Variants in ARHGEF2 observed in about 807,000 individuals in gnomAD.
ARHGEF2 encodes Rho/Rac guanine nucleotide exchange factor 2, also known as rho guanine nucleotide exchange factor 2.
In ARHGEF2, 22 loss-of-function variants were observed where a neutral mutation model predicts 121.0. That is an observed-to-expected ratio of 0.18 (90% CI 0.13 to 0.26). The LOEUF (loss-of-function observed/expected upper bound fraction) is 0.26, where lower values mean the gene tolerates loss of function less well. Among genes scored for constraint, ARHGEF2 ranks in the 10% least tolerant of loss-of-function variants. The pLI is 1.00. For missense variants in ARHGEF2, 907 were observed against 1,336.0 expected, an observed-to-expected ratio of 0.68 and a Z score of 5.01; for synonymous variants, 487 against 530.0, an observed-to-expected ratio of 0.92 and a Z score of 1.11.
rs769730199 is a variant in ARHGEF2 at position 155,952,802 on chromosome 1, G to C, written c.1810C>G (p.Leu604Val). Residue 604 changes from leucine to valine, a missense_variant, in exon 15 of 22, where the codon CTG (leucine) becomes GTG (valine). Physicochemically the swap from Leu to Val is conservative, Grantham distance 32. Coordinates refer to ENST00000361247, the MANE Select transcript of ARHGEF2 (RefSeq NM_001162383.2). ...KMELQQKDRALVELLREKVGL... is the reference protein window; with the variant it reads ...KMELQQKDRAVVELLREKVGL... The stretch of plus-strand genomic sequence containing the variant: ...ACCTTCTCTCGCAGCAGCTCCACCA[G>C]TGCCCGGTCCTTCTGCTGCAACTCC... 7.4e-6 allele frequency: 12 copies of C among 1,614,186 alleles called. No homozygotes were observed. Among genetic ancestry groups the C allele is most frequent in the Non-Finnish European group, 1.0e-5 (12 of 1,180,028 alleles).
At chr1:155,972,904 A>G (rs138832377) in intron 1 of ARHGEF2, among the ~76,000 whole-genome samples, 5,171 of 151,800 alleles carry the variant, frequency 0.034, 294 homozygotes, top group African/African-American at 0.12. Flanking sequence ...GCGTCTTGCT[A>G]TGTTGCCCAG....
chr1:155,962,139 C>G lies in ARHGEF2; in HGVS notation c.1185G>C (p.Pro395=), dbSNP rs373544686. 1.7e-5 allele frequency: 27 copies of G among 1,614,086 alleles called. No homozygotes were observed. In the Admixed American group the frequency reaches 2.7e-4, roughly 16 times the overall value. ...LLVTQRITKY[P]LLISRILQHS... ...GCTGCAGGATGCGGCTGATGAGTAA[C>G]GGGTACTTGGTGATGCGCTGAGTCA... Residue 395 remains proline, a synonymous_variant, in exon 10 of 22, where the codon CCG becomes CCC. Coordinates refer to ENST00000361247, the MANE Select transcript of ARHGEF2 (RefSeq NM_001162383.2). This position sits in a 1 kb window ranked among gnomAD's most constrained non-coding sequence, Gnocchi z 5.8.
chr1:155,958,597 C>T (rs1277525338), intron 11 of ARHGEF2, among the ~76,000 whole-genome samples: 3 of 132,876 alleles, frequency 2.3e-5, no homozygotes, highest in African/African-American at 2.7e-5. Context: ...TTTTTTGATA[C>T]AGAGTTTTCA....
At chr1:155,957,286 G>C (rs1676884883) in intron 13 of ARHGEF2, among the ~76,000 whole-genome samples, 1 of 152,174 alleles carries the variant, frequency 6.6e-6, no homozygotes. Context: ...GTCTGTTTAT[G>C]AGACTTGTTC....
chr1:155,947,865 G>T lies in ARHGEF2; in HGVS notation c.*77C>A. On this transcript the variant is annotated 3_prime_UTR_variant, in exon 22 of 22. Coordinates refer to ENST00000361247, the MANE Select transcript of ARHGEF2 (RefSeq NM_001162383.2). ...TTCTTTCAAATGTTCCCTCATCATT[G>T]GCAAATTGGAGTCCCCAAGGTTAGC... The T allele has an allele frequency of 1.2e-6, 1 of 815,656 alleles. No individual in the cohort carries two copies. 50.5% of individuals were successfully genotyped at this position (815,656 alleles called of 1,614,324 possible). A position where few individuals can be genotyped will look rare whatever the true frequency, so the allele number is the denominator to read the frequency against.
rs139177268 is a variant in ARHGEF2, at chr1:155,954,755, T to A, written c.1783+147A>T. 3.0e-3 allele frequency: 2,150 copies of A among 720,408 alleles called. 15 individuals are homozygous for A. Among genetic ancestry groups the A allele is most frequent in the South Asian group, 0.02 (980 of 48,920 alleles). 44.6% of individuals were successfully genotyped at this position (720,408 alleles called of 1,614,324 possible). Reference sequence around the variant, plus strand: ...TGGTAGTATACACTTTACATTGTTTTAAACCTTGCTTTTTTCACTTAATAT... The same window carrying A: ...TGGTAGTATACACTTTACATTGTTTAAAACCTTGCTTTTTTCACTTAATAT... On this transcript the variant is annotated intron_variant, in intron 14 of 21. Transcript: ENST00000361247.
chr1:155,950,573 C>G lies in ARHGEF2; in HGVS notation c.2704-91G>C, dbSNP rs1177423235. 1.0e-5 allele frequency: 14 copies of G among 1,368,948 alleles called. No individual in the cohort carries two copies. Among genetic ancestry groups the G allele is most frequent in the Middle Eastern group, 3.7e-4 (2 of 5,406 alleles). The allele number at this position is 1,368,948 out of a possible 1,614,324, so 84.8% of individuals were successfully genotyped here. A position where few individuals can be genotyped will look rare whatever the true frequency, so the allele number is the denominator to read the frequency against. ...CTTGGCTGAAGGCAGCAGCTCTCCC[C>G]CCTGGGGCTCACCCATGAGTCCCCT... is the stretch of plus-strand genomic sequence containing the variant. On this transcript the variant is annotated intron_variant, in intron 20 of 21. Coordinates refer to ENST00000361247, the MANE Select transcript of ARHGEF2 (RefSeq NM_001162383.2). The surrounding 1 kb of genome is among the most constrained non-coding windows in gnomAD (Gnocchi z 5.2).
chr1:155,964,167 AATATATATATATATAT>A (rs869033599), intron 7 of ARHGEF2, among the ~76,000 whole-genome samples: 2 of 91,240 alleles, frequency 2.2e-5, no homozygotes, highest in African/African-American at 1.2e-4. Flanking sequence ...AAAAAAAAAA[AATATATATATATATAT>A]ATATATATAT....
At chr1:155,978,916 A>G, upstream of ARHGEF2, 4 of 984,842 alleles carry the variant, frequency 4.1e-6, no homozygotes, top group Non-Finnish European at 4.8e-6. The surrounding 1 kb of genome is among the most constrained non-coding windows in gnomAD (Gnocchi z 4.1). Context: ...GCGTTACCTC[A>G]GTCTTTAAAG....
At chr1:155,979,000 G>T (rs1681860072), upstream of ARHGEF2, 2 of 985,486 alleles carry the variant, frequency 2.0e-6, no homozygotes, top group African/African-American at 3.5e-5. This position sits in a 1 kb window ranked among gnomAD's most constrained non-coding sequence, Gnocchi z 4.1. Flanking sequence ...TGGCCTTCGG[G>T]GTCCCATCAA....
intron 3 of ARHGEF2, 73 bp from the exon 4 acceptor site, chr1:155,966,552 C>T: frequency 1.3e-6 from 2 of 1,552,576 alleles, no homozygotes; most frequent in Non-Finnish European, 1.8e-6. Context: ...AGGCATGGGA[C>T]AGGAGCTAGG....
Position 155,962,105 on chromosome 1 carries a change from C to G in ARHGEF2, c.1219G>C (p.Gly407Arg). 6.2e-7 allele frequency: 1 copy of G among 1,614,144 alleles called. No individual in the cohort carries two copies. Among genetic ancestry groups the G allele is most frequent in the Non-Finnish European group, 8.5e-7 (1 of 1,180,022 alleles). The change falls in exon 10 of 22, where the codon GGG (glycine) becomes CGG (arginine). Residue 407 changes from glycine to arginine, a missense_variant and splice_region_variant. Gly to Arg is a moderately radical substitution (Grantham distance 125, BLOSUM62 -2). Around this residue, in one of 2 missense-constraint regions of ARHGEF2, gnomAD observed 475 missense variants for 776.5 expected, o/e 0.61. Coordinates refer to ENST00000361247, the MANE Select transcript of ARHGEF2 (RefSeq NM_001162383.2). This position sits in a 1 kb window ranked among gnomAD's most constrained non-coding sequence, Gnocchi z 5.8. The part of the protein sequence containing the change: ...LISRILQHSH[G>R]IEEERQDLTT... ...CCCTCTCCTGGGCCTGCCTACTCACCGTGGGAATGCTGCAGGATGCGGCTG... is the reference window on the plus strand; with the variant it reads ...CCCTCTCCTGGGCCTGCCTACTCACGGTGGGAATGCTGCAGGATGCGGCTG...
At chr1:155,957,671 C>T (rs1676964191) in intron 13 of ARHGEF2, 42 bp downstream of exon 13, 3 of 1,571,182 alleles carry the variant, frequency 1.9e-6, no homozygotes, top group Admixed American at 1.8e-5. Context: ...CTGCAGGTAC[C>T]CTGAGGTCAT....
At chr1:155,968,193 C>A (rs1410322249) in intron 2 of ARHGEF2, 1 of 109,616 alleles carries the variant, frequency 9.1e-6, no homozygotes, top group African/African-American at 3.4e-5. Flanking sequence ...CACTGGTTTT[C>A]TTTTCTTTCT....
Position 155,951,450 on chromosome 1 carries a change from C to G in ARHGEF2, c.2259+33G>C. 3.7e-6 allele frequency: 6 copies of G among 1,613,718 alleles called. No homozygotes were observed. The highest frequency in any genetic ancestry group is 5.1e-6 in the Non-Finnish European group (6 of 1,179,608). ...AACAGGCATCTCTAGCCTGGCTCCT[C>G]CCCTTCCCCATTCAAGCCCTTGTCC... On this transcript the variant is annotated intron_variant, in intron 19 of 21. Coordinates refer to ENST00000361247, the MANE Select transcript of ARHGEF2 (RefSeq NM_001162383.2). The surrounding 1 kb of genome is among the most constrained non-coding windows in gnomAD (Gnocchi z 5.1).
chr1:155,951,725 T>A lies in ARHGEF2; in HGVS notation c.2208+16A>T. Reference sequence around the variant, plus strand: ...ATCCTCCCTTCAGTCTCCTATACCATCAATTCCCATCTCACCTCTTGCGGT... The same window carrying A: ...ATCCTCCCTTCAGTCTCCTATACCAACAATTCCCATCTCACCTCTTGCGGT... On this transcript the variant is annotated intron_variant, in intron 18 of 21. Transcript: ENST00000361247. This position sits in a 1 kb window ranked among gnomAD's most constrained non-coding sequence, Gnocchi z 5.1. The A allele has an allele frequency of 6.2e-7, 1 of 1,614,084 alleles. No individual in the cohort carries two copies.
intron 13 of ARHGEF2, among the ~76,000 whole-genome samples, chr1:155,956,541 C>T (rs1222817943): frequency 6.6e-6 from 1 of 151,620 alleles, no homozygotes; most frequent in Non-Finnish European, 1.5e-5. Context: ...AAAATCTTGG[C>T]TGGGCATGGT....
intron 1 of ARHGEF2, among the ~76,000 whole-genome samples, chr1:155,971,462 C>T (rs1680443094): frequency 6.6e-6 from 1 of 150,540 alleles, no homozygotes; most frequent in Non-Finnish European, 1.5e-5. Context: ...ACCTGTAATC[C>T]CAGCTACTTG....
intron 7 of ARHGEF2, among the ~76,000 whole-genome samples, chr1:155,964,115 A>C (rs1233441213): frequency 7.2e-6 from 1 of 138,256 alleles, no homozygotes; most frequent in Non-Finnish European, 1.5e-5. Flanking sequence ...AGTGCACTCC[A>C]GCATGGGCGA....
Sources: allele counts gnomAD v4.1 joint callset (sites outside exome capture counted in the v4.1 genomes callset), GRCh38; gene constraint gnomAD v4.1.1; regional missense constraint gnomAD v4.1.1; non-coding constraint Gnocchi (gnomAD v3.1); transcripts MANE v1.5; gene names NCBI Gene and HGNC (gene_info 2026-07-23, HGNC 2026-07-21).